MYLK: variants seen among roughly 807,000 people sequenced by gnomAD.
MYLK encodes myosin light chain kinase, also known as myosin light chain kinase, smooth muscle.
Under a neutral mutation model 203.4 loss-of-function variants are expected in MYLK, and 106 were observed. That is an observed-to-expected ratio of 0.52 (90% confidence interval 0.45 to 0.61). The LOEUF (loss-of-function observed/expected upper bound fraction) is 0.61. Ranked by LOEUF, MYLK falls within the 20% of genes least tolerant of loss-of-function variation. The pLI is 0.00. For synonymous variants in MYLK, 867 were observed against 959.5 expected, an observed-to-expected ratio of 0.90 and a Z score of 1.78; for missense variants, 2,072 against 2,442.3, an observed-to-expected ratio of 0.85 and a Z score of 3.20.
intron 2 of MYLK, among the ~76,000 whole-genome samples, chr3:123,874,058 A>G (rs556220257): frequency 1.3e-5 from 2 of 152,304 alleles, no homozygotes; most frequent in African/African-American, 4.8e-5. Flanking sequence ...AACATTGTTA[A>G]GATGTCAATT....
chr3:123,615,043 G>A (rs1051666286), intron 33 of MYLK, among the ~76,000 whole-genome samples: 48 of 151,314 alleles, frequency 3.2e-4, no homozygotes, highest in Non-Finnish European at 2.1e-4. Context: ...TCAAACTCCT[G>A]GGCTCAAGTG....
intron 31 of MYLK, chr3:123,623,150 T>C (rs13318525): frequency 0.031 from 4,798 of 152,480 alleles, 223 homozygotes; most frequent in East Asian, 0.23. Context: ...GCCCCCCATA[T>C]ATACCAGTAG....
chr3:123,807,084 G>A (rs114386580), intron 3 of MYLK, among the ~76,000 whole-genome samples: 360 of 152,268 alleles, frequency 2.4e-3, no homozygotes, highest in Non-Finnish European at 4.3e-3. Flanking sequence ...CAGTCCTTCT[G>A]AACTTCAAAT....
chr3:123,841,076 T>C (rs2066580949), intron 2 of MYLK, among the ~76,000 whole-genome samples: 2 of 152,106 alleles, frequency 1.3e-5, no homozygotes, highest in Non-Finnish European at 2.9e-5. Flanking sequence ...TTGTTACATA[T>C]AGGCAGATTT....
At chr3:123,810,020 C>T (rs925745840) in intron 3 of MYLK, among the ~76,000 whole-genome samples, 6 of 152,158 alleles carry the variant, frequency 3.9e-5, no homozygotes, top group African/African-American at 1.2e-4. Context: ...TTTACCTGAT[C>T]ATGGTTCTCA....
At position 123,682,315 on chromosome 3, in the gene MYLK, A is replaced by G. The variant is rs1576536913; in HGVS notation, c.3566-5T>C. On this transcript the variant is annotated splice_polypyrimidine_tract_variant and splice_region_variant and intron_variant, in intron 19 of 33. Transcript: ENST00000360304. ...TGTTCTCACTGGCTGGAGCATCTGG[A>G]ATGAAACAGGTAACAATAAATGTTA... 6.3e-7 allele frequency: 1 copy of G among 1,590,526 alleles called. No homozygotes were observed. Among genetic ancestry groups the G allele is most frequent in the Middle Eastern group, 1.7e-4 (1 of 6,018 alleles).
chr3:123,647,518 C>A, intron 26 of MYLK, 91 bp from the exon 27 acceptor site: 1 of 1,067,916 alleles, frequency 9.4e-7, no homozygotes, highest in South Asian at 1.3e-5. Context: ...TGGGACAGAT[C>A]TGGCCCACCT....
In MYLK at chr3:123,849,880, C is replaced by T. The variant is rs113865634; in HGVS notation, c.-126-18210G>A. On this transcript the variant is annotated intron_variant, in intron 2 of 33. Coordinates refer to ENST00000360304, the MANE Select transcript of MYLK (RefSeq NM_053025.4). ...TTTACATTAGGTATATCTCCTAATG[C>T]TATCCCTCTCCCCTCCCCACACCCT... Among the ~76,000 whole-genome samples, 438 of 152,300 alleles carry T rather than the reference C, an allele frequency of 2.9e-3. 1 individual carries two copies. Among genetic ancestry groups the T allele is most frequent in the African/African-American group, 0.01 (421 of 41,578 alleles).
At chr3:123,650,549 CTA>C (rs2059177062) in intron 24 of MYLK, among the ~76,000 whole-genome samples, 1 of 151,762 alleles carries the variant, frequency 6.6e-6, no homozygotes, top group Admixed American at 6.6e-5. Flanking sequence ...TAAAAAAAGA[CTA>C]AAACTAAACA....
chr3:123,692,446 C>T (rs2060714969), intron 19 of MYLK: 2 of 1,211,946 alleles, frequency 1.7e-6, no homozygotes, highest in Admixed American at 6.7e-5. Flanking sequence ...CCCAGTGCCC[C>T]AGCTTCCCAG....
At chr3:123,775,981 ATC>A (rs2064061309) in intron 4 of MYLK, among the ~76,000 whole-genome samples, 1 of 152,106 alleles carries the variant, frequency 6.6e-6, no homozygotes, top group Non-Finnish European at 1.5e-5. Flanking sequence ...AACAGGCCTG[ATC>A]TCTGAGTCTG....
At chr3:123,743,966 G>A (rs983038745) in intron 5 of MYLK, among the ~76,000 whole-genome samples, 4 of 152,156 alleles carry the variant, frequency 2.6e-5, no homozygotes, top group African/African-American at 9.7e-5. Flanking sequence ...ACTGTTCCAG[G>A]AAAAGTGGGG....
intron 29 of MYLK, among the ~76,000 whole-genome samples, chr3:123,637,157 C>T (rs1576391165): frequency 6.6e-6 from 1 of 152,292 alleles, no homozygotes; most frequent in East Asian, 1.9e-4. Context: ...AAAGCATACA[C>T]ATCTGCATCT....
At chr3:123,641,193 T>C (rs1467577040) in intron 27 of MYLK, among the ~76,000 whole-genome samples, 1 of 152,180 alleles carries the variant, frequency 6.6e-6, no homozygotes, top group Non-Finnish European at 1.5e-5. Flanking sequence ...CTAGTGAACT[T>C]TGCTTCTGCA....
At chr3:123,872,199 G>A (rs754478785) in intron 2 of MYLK, among the ~76,000 whole-genome samples, 1 of 152,116 alleles carries the variant, frequency 6.6e-6, no homozygotes, top group Non-Finnish European at 1.5e-5. Flanking sequence ...CTGAGTAGAG[G>A]AGATTTATGA....
At chr3:123,785,577 T>G (rs1396318778) in intron 4 of MYLK, among the ~76,000 whole-genome samples, 1 of 152,256 alleles carries the variant, frequency 6.6e-6, no homozygotes, top group Non-Finnish European at 1.5e-5. Context: ...TTCACTTAAT[T>G]CTCAAGAATG....
chr3:123,634,182 T>C (rs1223143154), intron 29 of MYLK, among the ~76,000 whole-genome samples: 1 of 152,194 alleles, frequency 6.6e-6, no homozygotes, highest in Non-Finnish European at 1.5e-5. Flanking sequence ...TTTTGTGGAC[T>C]GGCCGAGGAA....
At chr3:123,750,579 C>T (rs1481964334) in intron 5 of MYLK, among the ~76,000 whole-genome samples, 2 of 152,196 alleles carry the variant, frequency 1.3e-5, no homozygotes, top group South Asian at 2.1e-4. Context: ...GTAGAGACCA[C>T]CAAAGTCAAA....
Position 123,610,984 on chromosome 3 carries a change from G to A in MYLK, c.*3121C>T, listed in dbSNP as rs1478456097. 2 of 152,112 alleles carry A rather than the reference G, an allele frequency of 1.3e-5. No homozygotes were observed. Among genetic ancestry groups the A allele is most frequent in the Non-Finnish European group, 2.9e-5 (2 of 68,010 alleles). 9.4% of individuals were successfully genotyped at this position (152,112 alleles called of 1,614,324 possible). ...TTATATGTTTGGGATGAAAATGAAT[G>A]GAAGAAAGTATATCTGTTATTTTTC... On this transcript the variant is annotated 3_prime_UTR_variant, in exon 34 of 34. Coordinates refer to ENST00000360304, the MANE Select transcript of MYLK (RefSeq NM_053025.4).
Sources: gnomAD v4.1 joint callset for allele counts (sites outside exome capture counted in the v4.1 genomes callset) on GRCh38, gnomAD v4.1.1 for gene constraint, MANE v1.5 for transcripts, NCBI Gene and HGNC (gene_info 2026-07-23, HGNC 2026-07-21) for gene names.